The following RAPGEF2 variants were observed in gnomAD, a reference collection of about 807,000 sequenced individuals.
The protein encoded by RAPGEF2 is PDZ domain containing guanine nucleotide exchange factor (GEF) 1.
In RAPGEF2, 54 loss-of-function variants were observed where a neutral mutation model predicts 186.7. The ratio of observed to expected loss-of-function variants is 0.29; its 90% CI spans 0.23 to 0.36. The LOEUF is 0.36. Among genes scored for constraint, RAPGEF2 ranks in the 10% least tolerant of loss-of-function variants. RAPGEF2 has a pLI of 1.00. For missense variants in RAPGEF2, 1,532 were observed against 2,045.0 expected (o/e 0.75, Z 4.84); for synonymous variants, 712 against 705.9 (o/e 1.01, Z -0.14).
At chr4:159,317,164 A>C (rs769173756) in intron 9 of RAPGEF2, among the ~76,000 whole-genome samples, 37 of 152,164 alleles carry the variant, frequency 2.4e-4, no homozygotes, top group Non-Finnish European at 4.7e-4. Context: ...TACATATTCT[A>C]GGAAATTAAA....
intron 7 of RAPGEF2, among the ~76,000 whole-genome samples, chr4:159,293,438 A>T (rs1334688102): frequency 6.6e-6 from 1 of 152,218 alleles, no homozygotes; most frequent in African/African-American, 2.4e-5. Context: ...TGTCTGGCCT[A>T]CTGGTTTTCA....
At chr4:159,202,425 C>T (rs994546383) in intron 3 of RAPGEF2, among the ~76,000 whole-genome samples, 5 of 152,234 alleles carry the variant, frequency 3.3e-5, no homozygotes, top group African/African-American at 1.2e-4. Context: ...ATTGCTTCTC[C>T]ACTCCCGAAA....
intron 17 of RAPGEF2, among the ~76,000 whole-genome samples, chr4:159,335,447 CCA>C (rs1021288555): frequency 1.3e-5 from 2 of 152,118 alleles, no homozygotes; most frequent in Non-Finnish European, 2.9e-5. Flanking sequence ...TAGTTTCAAT[CCA>C]AGAGTGGCCG....
intron 5 of RAPGEF2, among the ~76,000 whole-genome samples, chr4:159,239,420 A>T (rs561799894): frequency 6.6e-6 from 1 of 152,346 alleles, no homozygotes; most frequent in South Asian, 2.1e-4. Flanking sequence ...CTATTTTAAA[A>T]AACACAAGAA....
chr4:159,134,150 C>G (rs897790184), intron 1 of RAPGEF2, among the ~76,000 whole-genome samples: 2 of 152,168 alleles, frequency 1.3e-5, no homozygotes, highest in Non-Finnish European at 2.9e-5. Flanking sequence ...TCCGTCTAGC[C>G]TGTCTCTGGC....
chr4:159,146,306 C>T (rs899560806), intron 1 of RAPGEF2, among the ~76,000 whole-genome samples: 1 of 150,438 alleles, frequency 6.6e-6, no homozygotes, highest in Admixed American at 6.6e-5. Context: ...TAAATTATGC[C>T]ATAAAAAATC....
At chr4:159,233,957 T>C (rs1376060186) in intron 4 of RAPGEF2, among the ~76,000 whole-genome samples, 1 of 152,102 alleles carries the variant, frequency 6.6e-6, no homozygotes. Context: ...GAGTCCTCAT[T>C]GTTCTTTTTC....
rs1176549522 is a variant in RAPGEF2 at position 159,353,359 on chromosome 4, A to C, written c.4092-128A>C. 1.0e-5 allele frequency: 7 copies of C among 680,944 alleles called. No individual in the cohort carries two copies. The highest frequency in any genetic ancestry group is 1.5e-5 in the Non-Finnish European group (7 of 452,026). The allele number at this position is 680,944 out of a possible 1,614,324, so 42.2% of individuals were successfully genotyped here. A position where few individuals can be genotyped will look rare whatever the true frequency, so the allele number is the denominator to read the frequency against. Reference sequence around the variant, plus strand: ...GGCCAATATAAGGCAATTCAGTGCTACTTTTATCCTGTTTCTGGGATGAAA... The same window carrying C: ...GGCCAATATAAGGCAATTCAGTGCTCCTTTTATCCTGTTTCTGGGATGAAA... On this transcript the variant is annotated intron_variant, in intron 27 of 29. Coordinates refer to ENST00000691494, the MANE Select transcript of RAPGEF2 (RefSeq NM_001394067.2). The surrounding 1 kb of genome is among the most constrained non-coding windows in gnomAD (Gnocchi z 4.3).
chr4:159,144,866 T>G (rs2111173064), intron 1 of RAPGEF2, among the ~76,000 whole-genome samples: 1 of 144,648 alleles, frequency 6.9e-6, no homozygotes. Flanking sequence ...TCTTAATTTT[T>G]TTCTTTCTTC....
At chr4:159,260,897 C>T (rs935580320) in intron 7 of RAPGEF2, among the ~76,000 whole-genome samples, 4 of 151,936 alleles carry the variant, frequency 2.6e-5, no homozygotes, top group African/African-American at 7.3e-5. Flanking sequence ...TACAGGCATG[C>T]GCCACCATGC....
chr4:159,274,687 G>A (rs1371905031), intron 7 of RAPGEF2, among the ~76,000 whole-genome samples: 1 of 152,106 alleles, frequency 6.6e-6, no homozygotes. Flanking sequence ...GTATTAAGAT[G>A]CCAGTGCTAT....
chr4:159,278,249 G>C (rs1486431637), intron 7 of RAPGEF2, among the ~76,000 whole-genome samples: 1 of 152,126 alleles, frequency 6.6e-6, no homozygotes, highest in Admixed American at 6.5e-5. Context: ...AAGATTAGAT[G>C]GTTGTAGATG....
chr4:159,228,395 CT>C (rs1369587720), intron 4 of RAPGEF2: 2 of 152,078 alleles, frequency 1.3e-5, no homozygotes, highest in Non-Finnish European at 2.9e-5. Flanking sequence ...ATGTTAGTAG[CT>C]TAAGTATCGA....
chr4:159,133,966 G>T (rs151083020), intron 1 of RAPGEF2, among the ~76,000 whole-genome samples: 2 of 152,104 alleles, frequency 1.3e-5, no homozygotes, highest in African/African-American at 2.4e-5. Context: ...TGATCCACCC[G>T]CCTGGACCTC....
At chr4:159,168,879 A>G (rs1458796785) in intron 1 of RAPGEF2, among the ~76,000 whole-genome samples, 1 of 152,246 alleles carries the variant, frequency 6.6e-6, no homozygotes, top group East Asian at 1.9e-4. Context: ...TTTTGATATC[A>G]GCTGGCAGCA....
chr4:159,311,810 A>T (rs931132588), intron 8 of RAPGEF2, among the ~76,000 whole-genome samples: 1 of 152,200 alleles, frequency 6.6e-6, no homozygotes, highest in Non-Finnish European at 1.5e-5. Context: ...TTATGAAATT[A>T]GTAGGTCCCT....
intron 4 of RAPGEF2, among the ~76,000 whole-genome samples, chr4:159,232,999 A>G (rs534798970): frequency 6.6e-6 from 1 of 152,202 alleles, no homozygotes; most frequent in African/African-American, 2.4e-5. Flanking sequence ...TCCTTTGTCA[A>G]GTTTACATTG....
At chr4:159,313,781 G>C (rs1378576422) in intron 8 of RAPGEF2, among the ~76,000 whole-genome samples, 1 of 152,034 alleles carries the variant, frequency 6.6e-6, no homozygotes, top group Non-Finnish European at 1.5e-5. Context: ...TTGAAGTCTA[G>C]GTATATAATG....
intron 7 of RAPGEF2, among the ~76,000 whole-genome samples, chr4:159,255,301 C>T (rs192765957): frequency 6.6e-6 from 1 of 152,040 alleles, no homozygotes; most frequent in Non-Finnish European, 1.5e-5. Context: ...CTCAAAACTC[C>T]CCTTACCTTA....
Sources: allele counts gnomAD v4.1 joint callset (sites outside exome capture counted in the v4.1 genomes callset), GRCh38; gene constraint gnomAD v4.1.1; non-coding constraint Gnocchi (gnomAD v3.1); transcripts MANE v1.5; gene names NCBI Gene and HGNC (gene_info 2026-07-23, HGNC 2026-07-21).